The following OSTN variants were observed in gnomAD, a reference collection of about 807,000 sequenced individuals.
OSTN encodes the protein osteocrin.
OSTN carries 9 observed loss-of-function variants against 12.0 expected under a neutral mutation model. That is an observed-to-expected ratio of 0.75 (90% CI 0.45 to 1.30). The LOEUF is 1.30. OSTN is among the 50% of genes most tolerant of loss of function. The pLI, the probability that OSTN is intolerant of heterozygous loss-of-function variation, is 0.00. For missense variants in OSTN, 148 were observed against 152.3 expected, an observed-to-expected ratio of 0.97 and a Z score of 0.15; for synonymous variants, 59 against 56.9, an observed-to-expected ratio of 1.04 and a Z score of -0.16.
chr3:191,218,322 C>G (rs548962842), intron 2 of OSTN, among the ~76,000 whole-genome samples: 207 of 152,032 alleles, frequency 1.4e-3, no homozygotes, highest in Non-Finnish European at 2.5e-3. Context: ...TGGAAAATAA[C>G]TTCATAAGAA....
intron 3 of OSTN, among the ~76,000 whole-genome samples, chr3:191,226,052 G>T (rs948989776): frequency 6.6e-6 from 1 of 152,130 alleles, no homozygotes; most frequent in African/African-American, 2.4e-5. Flanking sequence ...AGGAGCTTCA[G>T]TAGTGCAATT....
intron 3 of OSTN, among the ~76,000 whole-genome samples, chr3:191,248,042 C>T (rs1389171864): frequency 2.0e-5 from 3 of 152,006 alleles, no homozygotes; most frequent in Non-Finnish European, 2.9e-5. Flanking sequence ...CCATGTTGGC[C>T]AGGCTGATCT....
rs576441833 is a variant in OSTN, at chr3:191,213,525, T to A, written c.102+891T>A. 1.5e-4 allele frequency among the ~76,000 whole-genome samples: 23 copies of A among 152,286 alleles called. No homozygotes were observed. In the East Asian group the frequency reaches 3.7e-3, roughly 24 times the overall value. On this transcript the variant is annotated intron_variant, in intron 2 of 4. Coordinates refer to ENST00000682035, the MANE Select transcript of OSTN (RefSeq NM_198184.2). Reference sequence around the variant, plus strand: ...ATCAGTTATGTCAGAATGAAGGGCTTTTATGTAAAATTTGAAGTTGTTTGC... The same window carrying A: ...ATCAGTTATGTCAGAATGAAGGGCTATTATGTAAAATTTGAAGTTGTTTGC...
At chr3:191,247,406 AAGGGTGTAGCT>A (rs901162909) in intron 3 of OSTN, among the ~76,000 whole-genome samples, 2 of 152,218 alleles carry the variant, frequency 1.3e-5, no homozygotes, top group African/African-American at 4.8e-5. Context: ...GAAGGGAGGC[AAGGGTGTAGCT>A]AGAGTAAGGA....
At position 191,218,840 on chromosome 3, in the gene OSTN, G is replaced by C. The variant is rs1252664052; in HGVS notation, c.196G>C (p.Asp66His). 1.2e-6 allele frequency: 2 copies of C among 1,614,100 alleles called. No homozygotes were observed. Among genetic ancestry groups the C allele is most frequent in the Non-Finnish European group, 1.7e-6 (2 of 1,179,990 alleles). ...CCTGACAGCAAAACTCTTGCTTCTT[G>C]ATGAATTGGTGTCCCTAGAAAATGA... The part of the protein sequence containing the change: ...TDLTAKLLLL[D>H]ELVSLENDVI... Residue 66 changes from aspartate (D) to histidine (H), a missense_variant, in exon 3 of 5, where the codon GAT (aspartate) becomes CAT (histidine). By Grantham distance (81) the Asp-to-His change is moderately conservative (BLOSUM62 -1). Coordinates refer to ENST00000682035, the MANE Select transcript of OSTN (RefSeq NM_198184.2).
chr3:191,224,446 G>A (rs1032826285), intron 3 of OSTN, among the ~76,000 whole-genome samples: 11 of 91,858 alleles, frequency 1.2e-4, no homozygotes, highest in Admixed American at 8.0e-4. Context: ...ATCCAAGACC[G>A]ATTATATATT....
Position 191,218,800 on chromosome 3 carries a change from G to T in OSTN, c.156G>T (p.Glu52Asp). 1.2e-6 allele frequency: 2 copies of T among 1,614,072 alleles called. No homozygotes were observed. The highest frequency in any genetic ancestry group is 8.5e-7 in the Non-Finnish European group (1 of 1,179,976). The part of the protein sequence containing the change: ...DVQSTPTVRE[E>D]KSATDLTAKL... ...AGTCAACACCCACAGTCAGGGAAGA[G>T]AAATCAGCCACTGACCTGACAGCAA... is the stretch of plus-strand genomic sequence containing the variant. The change falls in exon 3 of 5, where the codon GAG becomes GAT. Residue 52 changes from glutamate to aspartate, a missense_variant. Transcript: ENST00000682035.
intron 1 of OSTN, among the ~76,000 whole-genome samples, chr3:191,203,850 C>T (rs1001569274): frequency 6.6e-6 from 1 of 152,098 alleles, no homozygotes; most frequent in African/African-American, 2.4e-5. Context: ...TTGAAGAGCA[C>T]TGAGAAATGG....
intron 4 of OSTN, among the ~76,000 whole-genome samples, 162 bp downstream of exon 4, chr3:191,250,295 T>C (rs1431542855): frequency 6.6e-6 from 1 of 152,210 alleles, no homozygotes; most frequent in Non-Finnish European, 1.5e-5. Flanking sequence ...AGTATATTAA[T>C]GTTAAATAAC....
intron 3 of OSTN, among the ~76,000 whole-genome samples, chr3:191,222,785 C>G (rs1378482304): frequency 2.0e-5 from 3 of 152,002 alleles, no homozygotes; most frequent in African/African-American, 4.8e-5. Context: ...TGGGAAGGAC[C>G]AGTGGGAGGT....
At chr3:191,242,535 A>C (rs1206068826) in intron 3 of OSTN, among the ~76,000 whole-genome samples, 1 of 151,992 alleles carries the variant, frequency 6.6e-6, no homozygotes, top group East Asian at 1.9e-4. Context: ...TTTTTTACTC[A>C]CCCCATAAAT....
At chr3:191,254,048 C>A (rs965207084) in intron 4 of OSTN, among the ~76,000 whole-genome samples, 1 of 152,142 alleles carries the variant, frequency 6.6e-6, no homozygotes, top group African/African-American at 2.4e-5. Context: ...AATATATTAT[C>A]TCAAGTCTTG....
chr3:191,264,118 T>C lies in OSTN; in HGVS notation c.*1265T>C, dbSNP rs796706808. On this transcript the variant is annotated 3_prime_UTR_variant, in exon 5 of 5. Coordinates refer to ENST00000682035, the MANE Select transcript of OSTN (RefSeq NM_198184.2). ...GGCTTATTTCAGCATAAAAAGAGAG[T>C]GTTGTGAGTTGTGAGAAGGTGTCTT... 1.3e-5 allele frequency: 2 copies of C among 151,980 alleles called. No individual in the cohort carries two copies. The highest frequency in any genetic ancestry group is 4.8e-5 in the African/African-American group (2 of 41,458). 9.4% of individuals were successfully genotyped at this position (151,980 alleles called of 1,614,324 possible). A position where few individuals can be genotyped will look rare whatever the true frequency, so the allele number is the denominator to read the frequency against.
In OSTN at chr3:191,218,897, T is replaced by A. The variant is rs781309287; in HGVS notation, c.253T>A (p.Ser85Thr). ...TGAGACAAAGAAGAAAAGGAGTTTCTCTGGTTTTGGGTCTCCCCTTGACAG... is the reference window on the plus strand; with the variant it reads ...TGAGACAAAGAAGAAAAGGAGTTTCACTGGTTTTGGGTCTCCCCTTGACAG... ...VIETKKKRSFSGFGSPLDRLS... is the reference protein window; with the variant it reads ...VIETKKKRSFTGFGSPLDRLS... The change falls in exon 3 of 5, where the codon TCT becomes ACT. Residue 85 changes from serine to threonine, a missense_variant. Coordinates refer to ENST00000682035, the MANE Select transcript of OSTN (RefSeq NM_198184.2). 1 of 1,614,100 alleles carries A rather than the reference T, an allele frequency of 6.2e-7. No individual in the cohort carries two copies. The highest frequency in any genetic ancestry group is 8.5e-7 in the Non-Finnish European group (1 of 1,179,986).
At chr3:191,240,448 C>T (rs1389926854) in intron 3 of OSTN, among the ~76,000 whole-genome samples, 1 of 152,184 alleles carries the variant, frequency 6.6e-6, no homozygotes, top group African/African-American at 2.4e-5. Flanking sequence ...CTAGAACCCC[C>T]AAATTGGGTG....
At chr3:191,232,331 TAAAAAAAAAAAAAA>T (rs61313474) in intron 3 of OSTN, among the ~76,000 whole-genome samples, 26,013 of 67,682 alleles carry the variant, frequency 0.38, 3,223 homozygotes, top group Middle Eastern at 0.57. Flanking sequence ...AGACTCTGTC[TAAAAAAAAAAAAAA>T]AAAAAAAAAA....
At chr3:191,225,196 A>G (rs1047270122) in intron 3 of OSTN, among the ~76,000 whole-genome samples, 7 of 152,176 alleles carry the variant, frequency 4.6e-5, no homozygotes, top group African/African-American at 1.7e-4. Flanking sequence ...TCAATTCTCT[A>G]TAAACAAATT....
chr3:191,239,313 G>GTGTATA (rs11282220), intron 3 of OSTN, among the ~76,000 whole-genome samples: 1 of 151,604 alleles, frequency 6.6e-6, no homozygotes, highest in South Asian at 2.1e-4. Context: ...TGTATGCCCT[G>GTGTATA]TGAAGGGATG....
chr3:191,210,459 C>T (rs903976936), intron 1 of OSTN, among the ~76,000 whole-genome samples: 1 of 152,158 alleles, frequency 6.6e-6, no homozygotes, highest in Non-Finnish European at 1.5e-5. Flanking sequence ...TTTAGTGATG[C>T]CTCATATTCT....
Sources: allele counts gnomAD v4.1 joint callset (sites outside exome capture counted in the v4.1 genomes callset), GRCh38; gene constraint gnomAD v4.1.1; transcripts MANE v1.5; gene names NCBI Gene and HGNC (gene_info 2026-07-23, HGNC 2026-07-21).